Variants in FAM13B observed in about 807,000 individuals in gnomAD.
FAM13B encodes protein FAM13B.
FAM13B carries 60 observed loss-of-function variants against 117.3 expected under a neutral mutation model. The observed-to-expected ratio is 0.51, with a 90% CI of 0.42 to 0.63. The LOEUF is 0.63. FAM13B is among the 30% of genes least tolerant of loss of function. FAM13B has a pLI of 0.00. For missense variants in FAM13B, 972 were observed against 1,091.9 expected (o/e 0.89, Z 1.55); for synonymous variants, 332 against 356.1 (o/e 0.93, Z 0.76).
intron 1 of FAM13B, among the ~76,000 whole-genome samples, chr5:138,044,552 GAA>G (rs34297403): frequency 5.6e-5 from 6 of 108,102 alleles, no homozygotes; most frequent in South Asian, 5.8e-4. Context: ...ACTCCATCTC[GAA>G]AAAAAAAAAA....
intron 4 of FAM13B, among the ~76,000 whole-genome samples, chr5:138,016,542 G>T (rs769742324): frequency 2.6e-5 from 4 of 152,164 alleles, no homozygotes; most frequent in Non-Finnish European, 5.9e-5. Context: ...GCTGAGGCGA[G>T]AGGATCACTT....
chr5:138,038,258 A>G (rs963827702), intron 1 of FAM13B, among the ~76,000 whole-genome samples: 2 of 152,178 alleles, frequency 1.3e-5, no homozygotes, highest in Non-Finnish European at 2.9e-5. Flanking sequence ...TGTAAGTTAC[A>G]GTAAATACAA....
At chr5:138,000,468 AAC>A (rs1334449040) in intron 7 of FAM13B, among the ~76,000 whole-genome samples, 1 of 152,186 alleles carries the variant, frequency 6.6e-6, no homozygotes, top group African/African-American at 2.4e-5. Context: ...CAATAGATAT[AAC>A]AAACTGAAAC....
At chr5:137,957,392 T>C (rs1766875973) in intron 13 of FAM13B, among the ~76,000 whole-genome samples, 3 of 151,828 alleles carry the variant, frequency 2.0e-5, no homozygotes, top group African/African-American at 7.3e-5. Context: ...AATACAAAAT[T>C]AGCCGGGTGT....
chr5:138,011,276 C>T, intron 5 of FAM13B, 127 bp from the exon 6 acceptor site: 1 of 853,326 alleles, frequency 1.2e-6, no homozygotes, highest in South Asian at 1.7e-5. Flanking sequence ...TCCATTCTCC[C>T]ATCTGTAAAA....
intron 1 of FAM13B, among the ~76,000 whole-genome samples, chr5:138,050,803 G>A (rs959278472): frequency 6.6e-6 from 1 of 152,122 alleles, no homozygotes; most frequent in African/African-American, 2.4e-5. Flanking sequence ...CCCAAGAACT[G>A]TCTCTACCCA....
At chr5:137,951,079 A>C (rs1764822594) in intron 17 of FAM13B, among the ~76,000 whole-genome samples, 2 of 151,898 alleles carry the variant, frequency 1.3e-5, no homozygotes, top group African/African-American at 4.8e-5. Context: ...GCATGGTGGC[A>C]TGTGCCTGTA....
intron 10 of FAM13B, among the ~76,000 whole-genome samples, chr5:137,968,348 T>C (rs1171654980): frequency 6.7e-6 from 1 of 148,628 alleles, no homozygotes; most frequent in East Asian, 2.0e-4. Context: ...GGCTGAGGCA[T>C]GAGACTCACT....
At chr5:138,005,900 T>C (rs1047768380) in intron 7 of FAM13B, among the ~76,000 whole-genome samples, 19 of 151,916 alleles carry the variant, frequency 1.3e-4, no homozygotes, top group South Asian at 1.2e-3. Context: ...TTATTTCCTC[T>C]TCTTTTTTTT....
chr5:137,994,056 T>C (rs1484172208), intron 7 of FAM13B, among the ~76,000 whole-genome samples: 1 of 152,336 alleles, frequency 6.6e-6, no homozygotes, highest in East Asian at 1.9e-4. Flanking sequence ...TTAAATTGAA[T>C]AGATCACAAG....
At chr5:137,947,135 T>C (rs1763645612) in intron 18 of FAM13B, among the ~76,000 whole-genome samples, 1 of 152,250 alleles carries the variant, frequency 6.6e-6, no homozygotes, top group South Asian at 2.1e-4. Context: ...GGATCAACTA[T>C]TAACACCTGA....
intron 19 of FAM13B, 72 bp downstream of exon 19, chr5:137,946,156 G>A: frequency 7.2e-7 from 1 of 1,386,428 alleles, no homozygotes; most frequent in Non-Finnish European, 1.0e-6. Flanking sequence ...CCTGAAGAAT[G>A]TAGGCCACAA....
chr5:137,955,277 C>T (rs1766180550), intron 14 of FAM13B, among the ~76,000 whole-genome samples: 1 of 152,166 alleles, frequency 6.6e-6, no homozygotes. Flanking sequence ...TTCTAATATT[C>T]CCAAAGGAGG....
chr5:137,946,370 C>T, intron 18 of FAM13B, 59 bp from the exon 19 acceptor site: 1 of 1,116,380 alleles, frequency 9.0e-7, no homozygotes, highest in South Asian at 1.4e-5. Flanking sequence ...AACAAAAAAA[C>T]TCCACTGGCA....
intron 20 of FAM13B, among the ~76,000 whole-genome samples, chr5:137,944,810 T>C (rs1180252982): frequency 6.6e-6 from 1 of 150,774 alleles, no homozygotes; most frequent in Non-Finnish European, 1.5e-5. Context: ...AACACGGATG[T>C]AGGTGGAGGC....
intron 10 of FAM13B, among the ~76,000 whole-genome samples, chr5:137,976,445 T>A (rs1178236157): frequency 6.6e-6 from 1 of 152,190 alleles, no homozygotes; most frequent in African/African-American, 2.4e-5. Flanking sequence ...TTGCTTAAAT[T>A]ATTTGATTAT....
At chr5:138,011,489 G>A (rs1017752324) in intron 5 of FAM13B, among the ~76,000 whole-genome samples, 1 of 151,802 alleles carries the variant, frequency 6.6e-6, no homozygotes, top group Admixed American at 6.6e-5. Context: ...CGCGATCTCG[G>A]CTCACTGCAA....
At chr5:137,989,286 C>A (rs978288621) in intron 7 of FAM13B, among the ~76,000 whole-genome samples, 4 of 152,204 alleles carry the variant, frequency 2.6e-5, no homozygotes, top group Non-Finnish European at 5.9e-5. Context: ...TGCAGGAAAC[C>A]AAATGAGTAT....
intron 10 of FAM13B, among the ~76,000 whole-genome samples, chr5:137,983,874 A>C (rs900859265): frequency 6.6e-6 from 1 of 152,214 alleles, no homozygotes; most frequent in African/African-American, 2.4e-5. Flanking sequence ...GCAGAATACA[A>C]AACCTAAGTC....
Sources: gnomAD v4.1 joint callset for allele counts (sites outside exome capture counted in the v4.1 genomes callset) on GRCh38, gnomAD v4.1.1 for gene constraint, MANE v1.5 for transcripts, NCBI Gene and HGNC (gene_info 2026-07-23, HGNC 2026-07-21) for gene names.